Variants in CLEC19A observed in about 807,000 individuals in gnomAD.
CLEC19A encodes the protein C-type lectin domain family 19 member A.
In CLEC19A, 21 loss-of-function variants were observed where a neutral mutation model predicts 26.1. The observed-to-expected ratio is 0.80, with a 90% CI of 0.57 to 1.16. The LOEUF (loss-of-function observed/expected upper bound fraction) is 1.16. Among genes scored for constraint, CLEC19A ranks in the 50% most tolerant of loss-of-function variants. The pLI is 0.00. For missense variants in CLEC19A, 224 were observed against 227.6 expected (o/e 0.98, Z 0.10); for synonymous variants, 89 against 88.6 (o/e 1.00, Z -0.03).
chr16:19,296,189 G>A (rs551340946), intron 1 of CLEC19A, among the ~76,000 whole-genome samples: 2 of 152,224 alleles, frequency 1.3e-5, no homozygotes, highest in South Asian at 2.1e-4. Flanking sequence ...CAGCACAGCC[G>A]CTGGGGTTGG....
At chr16:19,293,390 C>G (rs1033940605) in intron 1 of CLEC19A, among the ~76,000 whole-genome samples, 6 of 152,094 alleles carry the variant, frequency 3.9e-5, no homozygotes, top group Non-Finnish European at 7.4e-5. Flanking sequence ...ATGTTAACAT[C>G]AGGGGAAACT....
chr16:19,310,763 G>T lies in CLEC19A; in HGVS notation c.*1680G>T, dbSNP rs1166120945. The T allele has an allele frequency of 6.6e-6, 1 of 152,202 alleles. No individual in the cohort carries two copies. Among genetic ancestry groups the T allele is most frequent in the African/African-American group, 2.4e-5 (1 of 41,426 alleles). The allele number at this position is 152,202 out of a possible 1,614,324, so 9.4% of individuals were successfully genotyped here. The stretch of plus-strand genomic sequence containing the variant: ...CTATAGAGATGGAAAGTGGATTAGT[G>T]GTTGCCAGGGGATGTGTGGAGGGGG... On this transcript the variant is annotated 3_prime_UTR_variant, in exon 5 of 5. Transcript: ENST00000636231.
At chr16:19,304,279 A>G (rs1897902358) in intron 3 of CLEC19A, 124 bp downstream of exon 3, 3 of 765,984 alleles carry the variant, frequency 3.9e-6, no homozygotes, top group Admixed American at 4.3e-5. Context: ...GAGAAATCAG[A>G]CACCAAGATG....
chr16:19,301,857 C>T (rs993705757), intron 2 of CLEC19A, among the ~76,000 whole-genome samples: 11 of 145,810 alleles, frequency 7.5e-5, no homozygotes. Context: ...TCCTAAAGTG[C>T]TGGGATTATA....
rs1898017632 is a variant in CLEC19A at position 19,309,194 on chromosome 16, T to C, written c.*111T>C. On this transcript the variant is annotated 3_prime_UTR_variant, in exon 5 of 5. Coordinates refer to ENST00000636231, the MANE Select transcript of CLEC19A (RefSeq NM_001256720.2). ...AAACATACATAGGAAGTAAATCTCT[T>C]GGACAGAGATTTTAAACAAGCAGAT... 1 of 791,916 alleles carries C rather than the reference T, an allele frequency of 1.3e-6. No homozygotes were observed. 49.1% of individuals were successfully genotyped at this position (791,916 alleles called of 1,614,324 possible).
chr16:19,303,492 C>T (rs1470905332), intron 2 of CLEC19A, among the ~76,000 whole-genome samples: 1 of 152,146 alleles, frequency 6.6e-6, no homozygotes, highest in Non-Finnish European at 1.5e-5. Flanking sequence ...AAGAATCCCC[C>T]CAAAAGACAC....
chr16:19,307,539 T>G lies in CLEC19A; in HGVS notation c.349-6T>G. 2 of 1,547,898 alleles carry G rather than the reference T, an allele frequency of 1.3e-6. No individual in the cohort carries two copies. Among genetic ancestry groups the G allele is most frequent in the Non-Finnish European group, 1.7e-6 (2 of 1,146,726 alleles). On this transcript the variant is annotated splice_region_variant and splice_polypyrimidine_tract_variant and intron_variant, in intron 3 of 4. Coordinates refer to ENST00000636231, the MANE Select transcript of CLEC19A (RefSeq NM_001256720.2). Reference sequence around the variant, plus strand: ...TTCTTTGTCTCTTTGGGTGGAACCCTCCCAGGAAGGGCAGTTTGAATGGAC... The same window carrying G: ...TTCTTTGTCTCTTTGGGTGGAACCCGCCCAGGAAGGGCAGTTTGAATGGAC...
intron 2 of CLEC19A, among the ~76,000 whole-genome samples, chr16:19,303,274 C>T (rs1007105927): frequency 6.6e-6 from 1 of 152,136 alleles, no homozygotes; most frequent in African/African-American, 2.4e-5. Context: ...TTCATCTATC[C>T]ATCCATGTAT....
intron 3 of CLEC19A, among the ~76,000 whole-genome samples, chr16:19,304,567 T>C (rs179222): frequency 0.66 from 100,463 of 151,908 alleles, 33,651 homozygotes; most frequent in Middle Eastern, 0.78. Flanking sequence ...TGGGCGCTGT[T>C]GTGGGCTCCT....
intron 1 of CLEC19A, among the ~76,000 whole-genome samples, chr16:19,297,411 C>G (rs1262012058): frequency 6.6e-6 from 1 of 152,162 alleles, no homozygotes; most frequent in African/African-American, 2.4e-5. Context: ...CACTCTCAGA[C>G]GTTACCATGG....
chr16:19,306,378 T>C (rs1327203952), intron 3 of CLEC19A, among the ~76,000 whole-genome samples: 2 of 151,506 alleles, frequency 1.3e-5, no homozygotes, highest in African/African-American at 4.9e-5. Context: ...AACTTCTGGC[T>C]CCAAGTGATC....
chr16:19,290,305 C>T (rs1423496772), intron 1 of CLEC19A, among the ~76,000 whole-genome samples: 1 of 151,968 alleles, frequency 6.6e-6, no homozygotes, highest in Non-Finnish European at 1.5e-5. Flanking sequence ...GAGCAACAGC[C>T]CCTTTGTGCA....
intron 1 of CLEC19A, among the ~76,000 whole-genome samples, chr16:19,292,530 C>T (rs543569819): frequency 6.6e-6 from 1 of 152,296 alleles, no homozygotes; most frequent in South Asian, 2.1e-4. Flanking sequence ...GTGTTTGATT[C>T]CCTACATGTA....
chr16:19,298,982 A>G (rs1897762234), intron 2 of CLEC19A, 144 bp downstream of exon 2: 2 of 932,474 alleles, frequency 2.1e-6, no homozygotes, highest in South Asian at 3.6e-5. Flanking sequence ...TATGTTGCCC[A>G]GGCCACTCTT....
chr16:19,304,316 G>T, intron 3 of CLEC19A, 161 bp downstream of exon 3: 2 of 562,262 alleles, frequency 3.6e-6, no homozygotes, highest in South Asian at 1.9e-5. Context: ...ACCAATTTGT[G>T]AAAGACATTT....
intron 3 of CLEC19A, among the ~76,000 whole-genome samples, chr16:19,305,883 G>T (rs1031547161): frequency 2.6e-5 from 4 of 151,724 alleles, no homozygotes; most frequent in African/African-American, 4.8e-5. Context: ...TCGCTCTGTC[G>T]CCCAGGCTGG....
At chr16:19,289,841 A>T (rs892134425) in intron 1 of CLEC19A, among the ~76,000 whole-genome samples, 1 of 152,232 alleles carries the variant, frequency 6.6e-6, no homozygotes, top group African/African-American at 2.4e-5. Flanking sequence ...TAGAACCCGT[A>T]GGACAGCAGG....
At chr16:19,302,428 G>A (rs1295408238) in intron 2 of CLEC19A, among the ~76,000 whole-genome samples, 2 of 152,152 alleles carry the variant, frequency 1.3e-5, no homozygotes, top group Admixed American at 6.5e-5. Flanking sequence ...CAACATAAAG[G>A]GTACCTCAAC....
intron 4 of CLEC19A, 83 bp from the exon 5 acceptor site, chr16:19,308,921 C>T: frequency 8.9e-7 from 1 of 1,123,046 alleles, no homozygotes; most frequent in South Asian, 1.4e-5. Flanking sequence ...TTGGAGATGG[C>T]TTTTACTTCA....
Sources: allele counts gnomAD v4.1 joint callset (sites outside exome capture counted in the v4.1 genomes callset), GRCh38; gene constraint gnomAD v4.1.1; transcripts MANE v1.5; gene names NCBI Gene and HGNC (gene_info 2026-07-23, HGNC 2026-07-21).